DIAPH3: variants seen among roughly 807,000 people sequenced by gnomAD.
The protein encoded by DIAPH3 is diaphanous related formin 3, also known as protein diaphanous homolog 3.
DIAPH3 carries 117 observed loss-of-function variants against 144.3 expected under a neutral mutation model. That is an observed-to-expected ratio of 0.81 (90% CI 0.70 to 0.95). The LOEUF is 0.95. DIAPH3 is among the 40% of genes least tolerant of loss of function. The probability of loss-of-function intolerance (pLI) is 0.00; values close to 1 mark genes in which losing one functional copy is unlikely to be tolerated. For missense variants in DIAPH3, 1,421 were observed against 1,412.7 expected, an observed-to-expected ratio of 1.01 and a Z score of -0.09; for synonymous variants, 519 against 488.9, an observed-to-expected ratio of 1.06 and a Z score of -0.81.
At chr13:60,043,521 G>T (rs1464151754) in intron 4 of DIAPH3, among the ~76,000 whole-genome samples, 1 of 152,058 alleles carries the variant, frequency 6.6e-6, no homozygotes, top group Non-Finnish European at 1.5e-5. Context: ...CACATGCAGA[G>T]AAAAACAAAA....
chr13:59,753,844 C>T (rs892152125), intron 27 of DIAPH3, among the ~76,000 whole-genome samples: 5 of 152,070 alleles, frequency 3.3e-5, no homozygotes, highest in African/African-American at 1.2e-4. Flanking sequence ...ACAAAAACAG[C>T]GTTAGCTTTT....
chr13:60,109,836 G>A (rs1037490149), intron 3 of DIAPH3, among the ~76,000 whole-genome samples: 2 of 151,278 alleles, frequency 1.3e-5, no homozygotes, highest in African/African-American at 2.5e-5. Flanking sequence ...CTTCAGAAAC[G>A]TAAGTTGTAA....
chr13:59,921,089 A>C (rs2047488217), intron 18 of DIAPH3, among the ~76,000 whole-genome samples: 1 of 151,622 alleles, frequency 6.6e-6, no homozygotes, highest in African/African-American at 2.4e-5. Flanking sequence ...GGATATAGCA[A>C]AAGCAGATCT....
At chr13:59,989,419 C>G (rs2051662682) in intron 12 of DIAPH3, among the ~76,000 whole-genome samples, 1 of 151,332 alleles carries the variant, frequency 6.6e-6, no homozygotes, top group Non-Finnish European at 1.5e-5. Flanking sequence ...ATATTAACAA[C>G]AACAATAATA....
At chr13:60,054,820 A>G (rs1407774824) in intron 4 of DIAPH3, among the ~76,000 whole-genome samples, 1 of 152,006 alleles carries the variant, frequency 6.6e-6, no homozygotes, top group Admixed American at 6.6e-5. Flanking sequence ...AATGTCAATG[A>G]TCAACAGAAA....
intron 22 of DIAPH3, among the ~76,000 whole-genome samples, chr13:59,860,611 G>A (rs2043520221): frequency 6.6e-6 from 1 of 151,998 alleles, no homozygotes; most frequent in South Asian, 2.1e-4. Context: ...GGAGGCGGGT[G>A]CCTGTAGTCC....
chr13:60,076,533 T>C (rs1182646293), intron 4 of DIAPH3, among the ~76,000 whole-genome samples: 1 of 152,150 alleles, frequency 6.6e-6, no homozygotes, highest in African/African-American at 2.4e-5. Flanking sequence ...AATTTTTCTG[T>C]TATAGAAATC....
chr13:60,147,873 T>C (rs184973576), intron 1 of DIAPH3, among the ~76,000 whole-genome samples: 70 of 152,246 alleles, frequency 4.6e-4, no homozygotes, highest in Non-Finnish European at 7.2e-4. Context: ...AAGAAAACTA[T>C]TGTAGCAGCA....
intron 4 of DIAPH3, among the ~76,000 whole-genome samples, chr13:60,082,658 C>A (rs1321537515): frequency 6.6e-6 from 1 of 152,022 alleles, no homozygotes; most frequent in Non-Finnish European, 1.5e-5. Flanking sequence ...CAATAAAGGG[C>A]ATATACTATT....
chr13:59,893,005 T>G (rs754230317), intron 20 of DIAPH3, among the ~76,000 whole-genome samples: 1 of 152,104 alleles, frequency 6.6e-6, no homozygotes, highest in African/African-American at 2.4e-5. Context: ...ATTAGAGTAT[T>G]TGAAGTTTGT....
Position 59,836,385 on chromosome 13 carries a change from T to C in DIAPH3, c.2862+2939A>G, listed in dbSNP as rs2042046158. On this transcript the variant is annotated intron_variant, in intron 23 of 27. Coordinates refer to ENST00000400324, the MANE Select transcript of DIAPH3 (RefSeq NM_001042517.2). ...GATATACATTGAATTTGGTTTCACA[T>C]TTTTCAAGCAAGTAGTTACTGTGGA... Among the ~76,000 whole-genome samples, 3 of 151,818 alleles carry C rather than the reference T, an allele frequency of 2.0e-5. No homozygotes were observed. In the South Asian group the frequency reaches 6.2e-4, roughly 31 times the overall value.
intron 22 of DIAPH3, among the ~76,000 whole-genome samples, chr13:59,840,654 A>C (rs1326992439): frequency 6.6e-6 from 1 of 152,220 alleles, no homozygotes; most frequent in East Asian, 1.9e-4. Flanking sequence ...AAAAATTAGC[A>C]ATCTAATTCT....
At chr13:59,946,779 T>C (rs539519421) in intron 17 of DIAPH3, among the ~76,000 whole-genome samples, 2 of 152,278 alleles carry the variant, frequency 1.3e-5, no homozygotes, top group Admixed American at 6.5e-5. Context: ...TTTTTAACTA[T>C]ACCACCACTG....
rs532838975 is a variant in DIAPH3, at chr13:60,030,999, A to G, written c.626+11691T>C. On this transcript the variant is annotated intron_variant, in intron 5 of 27. Coordinates refer to ENST00000400324, the MANE Select transcript of DIAPH3 (RefSeq NM_001042517.2). ...ACATTCTTTTGGGTGTTTCTTTCAT[A>G]TTATTGTATTAGGCCATTCTTGCAT... Among the ~76,000 whole-genome samples the G allele has an allele frequency of 2.5e-4, 38 of 152,236 alleles. 1 individual carries two copies. In the East Asian group the frequency reaches 6.6e-3, roughly 26 times the overall value.
At chr13:60,055,586 G>T (rs1243134513) in intron 4 of DIAPH3, among the ~76,000 whole-genome samples, 1 of 151,682 alleles carries the variant, frequency 6.6e-6, no homozygotes, top group Non-Finnish European at 1.5e-5. Flanking sequence ...AAACCATGAT[G>T]GACCACATAA....
At chr13:60,033,230 C>T (rs562303605) in intron 5 of DIAPH3, among the ~76,000 whole-genome samples, 1 of 152,300 alleles carries the variant, frequency 6.6e-6, no homozygotes, top group African/African-American at 2.4e-5. Context: ...CCCTTATTTC[C>T]CATATTCTTC....
At chr13:59,876,040 A>G (rs748093878) in intron 21 of DIAPH3, among the ~76,000 whole-genome samples, 1 of 152,210 alleles carries the variant, frequency 6.6e-6, no homozygotes, top group Admixed American at 6.5e-5. Flanking sequence ...GGCATTTAAA[A>G]GTAAGGATTT....
At chr13:60,057,648 C>A (rs565990342) in intron 4 of DIAPH3, among the ~76,000 whole-genome samples, 2 of 151,876 alleles carry the variant, frequency 1.3e-5, no homozygotes, top group African/African-American at 4.8e-5. Context: ...TCCAATTATA[C>A]GACAGGGATA....
At chr13:59,871,039 T>C (rs2044237941) in intron 21 of DIAPH3, among the ~76,000 whole-genome samples, 1 of 152,188 alleles carries the variant, frequency 6.6e-6, no homozygotes, top group African/African-American at 2.4e-5. Context: ...TTTTTGTTAC[T>C]AAGAAAATGA....
Sources: gnomAD v4.1 joint callset for allele counts (sites outside exome capture counted in the v4.1 genomes callset) on GRCh38, gnomAD v4.1.1 for gene constraint, MANE v1.5 for transcripts, NCBI Gene and HGNC (gene_info 2026-07-23, HGNC 2026-07-21) for gene names.